CPLX4: variants seen among roughly 807,000 people sequenced by gnomAD.
CPLX4 encodes the protein complexin 4.
In CPLX4, 17 loss-of-function variants were observed where a neutral mutation model predicts 16.1. The observed-to-expected ratio is 1.06, with a 90% CI of 0.72 to 1.59. CPLX4 has a LOEUF of 1.59. CPLX4 is among the 40% of genes most tolerant of loss of function. The probability of loss-of-function intolerance (pLI) is 0.00; values close to 1 mark genes in which losing one functional copy is unlikely to be tolerated. For missense variants in CPLX4, 193 were observed against 192.9 expected (o/e 1.00, Z 0.00); for synonymous variants, 55 against 57.8 (o/e 0.95, Z 0.22).
At chr18:59,300,124 G>A (rs2070530379) in intron 2 of CPLX4, among the ~76,000 whole-genome samples, 2 of 152,160 alleles carry the variant, frequency 1.3e-5, no homozygotes, top group South Asian at 2.1e-4. Flanking sequence ...CTGAGGTCAG[G>A]GGTTCAAGAC....
At chr18:59,308,293 G>A (rs1202371922) in intron 2 of CPLX4, among the ~76,000 whole-genome samples, 1 of 152,028 alleles carries the variant, frequency 6.6e-6, no homozygotes, top group Non-Finnish European at 1.5e-5. Flanking sequence ...TCTCAAGGCC[G>A]AAGATTCCAA....
At chr18:59,302,958 C>T (rs1449956614) in intron 2 of CPLX4, among the ~76,000 whole-genome samples, 1 of 152,216 alleles carries the variant, frequency 6.6e-6, no homozygotes, top group Non-Finnish European at 1.5e-5. Flanking sequence ...TTGTTGTCCA[C>T]AGGATACCAA....
chr18:59,302,473 C>T (rs912949478), intron 2 of CPLX4, among the ~76,000 whole-genome samples: 2 of 152,196 alleles, frequency 1.3e-5, no homozygotes, highest in Non-Finnish European at 2.9e-5. Context: ...ATAGGCTATA[C>T]TTTGTTCTTA....
In CPLX4 at chr18:59,296,418, A is replaced by C; in HGVS notation, c.*280T>G. 1 of 433,584 alleles carries C rather than the reference A, an allele frequency of 2.3e-6. No individual in the cohort carries two copies. Among genetic ancestry groups the C allele is most frequent in the Non-Finnish European group, 4.1e-6 (1 of 245,048 alleles). 26.9% of individuals were successfully genotyped at this position (433,584 alleles called of 1,614,324 possible). On this transcript the variant is annotated 3_prime_UTR_variant, in exon 3 of 3. Transcript: ENST00000299721. The stretch of plus-strand genomic sequence containing the variant: ...TTTTGTTTCTTCCTGGCTCATCTCA[A>C]GGTCTTTAAGCAGATATGTGTTCTG...
chr18:59,317,047 G>A (rs1487098734), intron 1 of CPLX4, among the ~76,000 whole-genome samples: 1 of 152,058 alleles, frequency 6.6e-6, no homozygotes, highest in Non-Finnish European at 1.5e-5. Flanking sequence ...TGCATTGACT[G>A]TTTTTTAAAA....
chr18:59,311,088 C>T (rs1290702288), intron 2 of CPLX4, among the ~76,000 whole-genome samples: 1 of 152,034 alleles, frequency 6.6e-6, no homozygotes, highest in Non-Finnish European at 1.5e-5. Context: ...GAATCCGACT[C>T]AATCTTCCTG....
chr18:59,309,344 T>C (rs868654873), intron 2 of CPLX4, among the ~76,000 whole-genome samples: 18 of 152,304 alleles, frequency 1.2e-4, no homozygotes, highest in South Asian at 2.1e-4. Context: ...TGAATGATGG[T>C]GTGTACAATG....
In CPLX4 at chr18:59,318,308, A is replaced by G. The variant is rs748416532; in HGVS notation, c.155T>C (p.Met52Thr). 1 of 1,607,316 alleles carries G rather than the reference A, an allele frequency of 6.2e-7. No homozygotes were observed. The highest frequency in any genetic ancestry group is 8.5e-7 in the Non-Finnish European group (1 of 1,177,706). Residue 52 changes from methionine (M) to threonine (T), a missense_variant, in exon 1 of 3, where the codon ATG becomes ACG. Physicochemically the swap from Met to Thr is moderately conservative, Grantham distance 81. Transcript: ENST00000299721. ...AGCATGTACTCACTTCTCCTCAATC[A>G]TTTGCTTTTGATACTCCTCATACTC... ...REEYEEYQKQ[M>T]IEEKMERDAA... is the part of the protein sequence containing the mutation.
At position 59,295,685 on chromosome 18, in the gene CPLX4, C is replaced by T. The variant is rs1479090980; in HGVS notation, c.*1013G>A. 1 of 150,904 alleles carries T rather than the reference C, an allele frequency of 6.6e-6. No homozygotes were observed. Among genetic ancestry groups the T allele is most frequent in the African/African-American group, 2.4e-5 (1 of 40,936 alleles). 9.3% of individuals were successfully genotyped at this position (150,904 alleles called of 1,614,324 possible). A position where few individuals can be genotyped will look rare whatever the true frequency, so the allele number is the denominator to read the frequency against. Reference sequence around the variant, plus strand: ...TTGAATTATTCCTTTTGAAAGAGAGCAGATATTAGGGGGGAAAAATCAGTG... The same window carrying T: ...TTGAATTATTCCTTTTGAAAGAGAGTAGATATTAGGGGGGAAAAATCAGTG... On this transcript the variant is annotated 3_prime_UTR_variant, in exon 3 of 3. Transcript: ENST00000299721.
intron 2 of CPLX4, among the ~76,000 whole-genome samples, chr18:59,300,475 A>G (rs906531000): frequency 1.3e-5 from 2 of 152,206 alleles, no homozygotes; most frequent in Non-Finnish European, 2.9e-5. Flanking sequence ...TTTCGTAGCT[A>G]TCGGTTTATC....
chr18:59,299,828 G>T (rs532505366), intron 2 of CPLX4, among the ~76,000 whole-genome samples: 2 of 152,194 alleles, frequency 1.3e-5, no homozygotes, highest in African/African-American at 4.8e-5. Flanking sequence ...AGAGATGCAC[G>T]TGCTGGGACC....
At chr18:59,304,157 C>T (rs2070560340) in intron 2 of CPLX4, among the ~76,000 whole-genome samples, 1 of 152,208 alleles carries the variant, frequency 6.6e-6, no homozygotes, top group Non-Finnish European at 1.5e-5. Flanking sequence ...ATGAATGGTG[C>T]CCTTAATACG....
chr18:59,300,508 G>A (rs1005707431), intron 2 of CPLX4, among the ~76,000 whole-genome samples: 2 of 152,100 alleles, frequency 1.3e-5, no homozygotes, highest in African/African-American at 2.4e-5. Context: ...TTGGGGCATC[G>A]CAGCCTAAAT....
intron 2 of CPLX4, among the ~76,000 whole-genome samples, chr18:59,306,792 T>C (rs1001801096): frequency 2.6e-5 from 4 of 152,214 alleles, no homozygotes; most frequent in African/African-American, 9.6e-5. Context: ...TAGAACTGAA[T>C]CCTGCTGTTA....
rs1010644928 is a variant in CPLX4 at position 59,295,584 on chromosome 18, A to G, written c.*1114T>C. On this transcript the variant is annotated 3_prime_UTR_variant, in exon 3 of 3. Transcript: ENST00000299721. Reference sequence around the variant, plus strand: ...AGAGTCACCAAAAAAAAAAAAAAAAATCAGTATTTTGTTTTGGTTTGGTGG... The same window carrying G: ...AGAGTCACCAAAAAAAAAAAAAAAAGTCAGTATTTTGTTTTGGTTTGGTGG... 1.4e-5 allele frequency: 2 copies of G among 145,270 alleles called. No individual in the cohort carries two copies. The highest frequency in any genetic ancestry group is 1.5e-5 in the Non-Finnish European group (1 of 65,928). 9.0% of individuals were successfully genotyped at this position (145,270 alleles called of 1,614,324 possible).
intron 1 of CPLX4, among the ~76,000 whole-genome samples, chr18:59,314,790 A>G (rs2070641589): frequency 6.6e-6 from 1 of 152,108 alleles, no homozygotes; most frequent in Admixed American, 6.5e-5. Flanking sequence ...TTCACTCAGC[A>G]TAAAATACTT....
Position 59,318,416 on chromosome 18 carries a change from A to T in CPLX4, c.47T>A (p.Leu16Ter), listed in dbSNP as rs1434510967. ...KSMISNQVKN[L>*]GFGGGSEENK... ...TTCTTCAGACCCACCACCAAATCCT[A>T]AATTCTTTACCTGGTTACTTATCAT... The change falls in exon 1 of 3, where the codon TTA becomes TAA. Residue 16 changes from leucine to a stop codon, truncating the protein, a stop_gained. Coordinates refer to ENST00000299721, the MANE Select transcript of CPLX4 (RefSeq NM_181654.4). LOFTEE classifies it high-confidence loss of function. 1.9e-6 allele frequency: 3 copies of T among 1,613,632 alleles called. No homozygotes were observed. The highest frequency in any genetic ancestry group is 2.5e-6 in the Non-Finnish European group (3 of 1,179,834).
intron 2 of CPLX4, among the ~76,000 whole-genome samples, chr18:59,308,655 C>CT (rs1240509871): frequency 2.6e-5 from 4 of 151,910 alleles, no homozygotes; most frequent in Non-Finnish European, 5.9e-5. Context: ...GGCCGCGGCG[C>CT]TAGGAACACC....
intron 2 of CPLX4, among the ~76,000 whole-genome samples, chr18:59,303,137 G>C (rs2070553186): frequency 6.6e-6 from 1 of 152,202 alleles, no homozygotes; most frequent in South Asian, 2.1e-4. Flanking sequence ...TGTGACTGGT[G>C]TGGAGGCCCT....
Sources: allele counts gnomAD v4.1 joint callset (sites outside exome capture counted in the v4.1 genomes callset), GRCh38; gene constraint gnomAD v4.1.1; transcripts MANE v1.5; gene names NCBI Gene and HGNC (gene_info 2026-07-23, HGNC 2026-07-21).